KCNJ6: variants seen among roughly 807,000 people sequenced by gnomAD.
KCNJ6 encodes the protein potassium inwardly rectifying channel subfamily J member 6.
In KCNJ6, 9 loss-of-function variants were observed where a neutral mutation model predicts 34.2. The ratio of observed to expected loss-of-function variants is 0.26; its 90% CI spans 0.16 to 0.46. The LOEUF (loss-of-function observed/expected upper bound fraction) is 0.46, where lower values mean the gene tolerates loss of function less well. Among genes scored for constraint, KCNJ6 ranks in the 20% least tolerant of loss-of-function variants. The pLI is 1.00. For synonymous variants in KCNJ6, 196 were observed against 207.1 expected (o/e 0.95, Z 0.46); for missense variants, 236 against 531.3 (o/e 0.44, Z 5.46).
chr21:37,659,358 A>G (rs143698455), intron 3 of KCNJ6, among the ~76,000 whole-genome samples: 55 of 152,312 alleles, frequency 3.6e-4, no homozygotes, highest in Middle Eastern at 3.4e-3. Flanking sequence ...GTCTCAGAAC[A>G]TCCTCGCGGA....
intron 1 of KCNJ6, among the ~76,000 whole-genome samples, chr21:37,856,840 T>C (rs1394983638): frequency 6.6e-6 from 1 of 152,094 alleles, no homozygotes; most frequent in Admixed American, 6.5e-5. Flanking sequence ...CTGGGGAAGT[T>C]GTATGGTTTG....
intron 3 of KCNJ6, among the ~76,000 whole-genome samples, chr21:37,652,826 A>T (rs987270063): frequency 9.9e-5 from 15 of 152,122 alleles, no homozygotes; most frequent in African/African-American, 3.6e-4. Context: ...AAAAGGATGG[A>T]CTCAGATGTG....
chr21:37,858,307 G>A (rs2055575366), intron 1 of KCNJ6, among the ~76,000 whole-genome samples: 1 of 149,092 alleles, frequency 6.7e-6, no homozygotes, highest in African/African-American at 2.5e-5. Flanking sequence ...GCAGGAGAAT[G>A]GCGTGAACCC....
chr21:37,814,489 A>G (rs59007162), intron 2 of KCNJ6, among the ~76,000 whole-genome samples: 64,594 of 151,876 alleles, frequency 0.43, 14,484 homozygotes, highest in Non-Finnish European at 0.49. Context: ...ATCAATGTTT[A>G]TTACAGCACT....
chr21:37,641,585 C>T (rs988054478), intron 3 of KCNJ6, among the ~76,000 whole-genome samples: 1 of 151,888 alleles, frequency 6.6e-6, no homozygotes, highest in African/African-American at 2.4e-5. Context: ...GATAAGGCAA[C>T]GTGTGGGGTA....
At chr21:37,766,785 G>C (rs1040466939) in intron 2 of KCNJ6, among the ~76,000 whole-genome samples, 1 of 152,184 alleles carries the variant, frequency 6.6e-6, no homozygotes, top group Non-Finnish European at 1.5e-5. Context: ...CAGGAGGTGA[G>C]TGGTGGATGA....
At chr21:37,761,864 C>A (rs2055067152) in intron 2 of KCNJ6, among the ~76,000 whole-genome samples, 1 of 152,052 alleles carries the variant, frequency 6.6e-6, no homozygotes, top group Non-Finnish European at 1.5e-5. Flanking sequence ...CATGTTCATG[C>A]ACTCACTTTT....
chr21:37,787,930 C>G (rs1413605124), intron 2 of KCNJ6, among the ~76,000 whole-genome samples: 2 of 152,128 alleles, frequency 1.3e-5, no homozygotes, highest in African/African-American at 2.4e-5. Flanking sequence ...GAACCTCTAC[C>G]CTTATCCCTG....
intron 2 of KCNJ6, among the ~76,000 whole-genome samples, chr21:37,818,914 C>T (rs147026087): frequency 6.6e-6 from 1 of 151,984 alleles, no homozygotes; most frequent in East Asian, 1.9e-4. Context: ...TATTAGACTT[C>T]CAAGGTTTTT....
intron 2 of KCNJ6, among the ~76,000 whole-genome samples, chr21:37,739,269 A>C (rs2054927871): frequency 6.6e-6 from 1 of 152,138 alleles, no homozygotes; most frequent in Admixed American, 6.5e-5. Flanking sequence ...ATATTATAGA[A>C]TTTAAGATTA....
At chr21:37,696,338 A>G (rs1319504570) in intron 3 of KCNJ6, among the ~76,000 whole-genome samples, 3 of 152,208 alleles carry the variant, frequency 2.0e-5, no homozygotes, top group African/African-American at 7.2e-5. Flanking sequence ...ACATCATTCA[A>G]ATTAGGAAAA....
At chr21:37,782,498 G>A (rs2055174310) in intron 2 of KCNJ6, among the ~76,000 whole-genome samples, 3 of 152,254 alleles carry the variant, frequency 2.0e-5, no homozygotes, top group South Asian at 4.2e-4. Context: ...CTTGCTGACT[G>A]CAACCTCTTG....
chr21:37,805,023 A>G (rs1362225499), intron 2 of KCNJ6, among the ~76,000 whole-genome samples: 1 of 152,196 alleles, frequency 6.6e-6, no homozygotes, highest in South Asian at 2.1e-4. Context: ...GACACAACAG[A>G]CCATCTATTG....
chr21:37,761,391 AGTGT>A (rs989500926), intron 2 of KCNJ6, among the ~76,000 whole-genome samples: 2 of 141,414 alleles, frequency 1.4e-5, no homozygotes, highest in Admixed American at 7.0e-5. Context: ...TGTTGTATGT[AGTGT>A]GTGTGTATAT....
At position 37,848,595 on chromosome 21, in the gene KCNJ6, G is replaced by T. The variant is rs115846806; in HGVS notation, c.-27-7886C>A. ...TGGTCTTGTTGACCAGACCAGGGAG[G>T]GTCCTAATACACTGAGTTATGAGGA... On this transcript the variant is annotated intron_variant, in intron 1 of 3. Transcript: ENST00000609713. 6.2e-3 allele frequency among the ~76,000 whole-genome samples: 939 copies of T among 152,240 alleles called. 13 individuals are homozygous for T. The highest frequency in any genetic ancestry group is 0.022 in the African/African-American group (904 of 41,544).
chr21:37,813,965 C>T (rs992542381), intron 2 of KCNJ6, among the ~76,000 whole-genome samples: 3 of 152,124 alleles, frequency 2.0e-5, no homozygotes, highest in Admixed American at 2.0e-4. Context: ...AGTGAAGAGA[C>T]AACCCACAGA....
At chr21:37,626,298 T>C (rs545565850) in intron 3 of KCNJ6, among the ~76,000 whole-genome samples, 9 of 151,536 alleles carry the variant, frequency 5.9e-5, no homozygotes, top group African/African-American at 1.9e-4. Flanking sequence ...GTCCGACTAA[T>C]TTTTTTTTGT....
At chr21:37,641,977 C>T (rs1270006047) in intron 3 of KCNJ6, among the ~76,000 whole-genome samples, 1 of 152,302 alleles carries the variant, frequency 6.6e-6, no homozygotes, top group East Asian at 1.9e-4. Flanking sequence ...GAGAAGGACA[C>T]CCAGGTTTCT....
intron 1 of KCNJ6, among the ~76,000 whole-genome samples, chr21:37,875,861 T>A (rs975511473): frequency 8.5e-5 from 13 of 152,196 alleles, no homozygotes; most frequent in African/African-American, 2.9e-4. Context: ...CTTTTAGTAC[T>A]AAATAATTCA....
Sources: gnomAD v4.1 joint callset for allele counts (sites outside exome capture counted in the v4.1 genomes callset) on GRCh38, gnomAD v4.1.1 for gene constraint, MANE v1.5 for transcripts, NCBI Gene and HGNC (gene_info 2026-07-23, HGNC 2026-07-21) for gene names.